TNFSF13B: variants seen among roughly 807,000 people sequenced by gnomAD.
The protein encoded by TNFSF13B is TNF superfamily member 13b.
In TNFSF13B, 8 loss-of-function variants were observed where a neutral mutation model predicts 29.1. The ratio of observed to expected loss-of-function variants is 0.27; its 90% confidence interval spans 0.16 to 0.50. The LOEUF (loss-of-function observed/expected upper bound fraction) is 0.50. Among genes scored for constraint, TNFSF13B ranks in the 20% least tolerant of loss-of-function variants. TNFSF13B has a pLI of 0.98. For missense variants in TNFSF13B, 248 were observed against 334.9 expected (o/e 0.74, Z 2.03); for synonymous variants, 125 against 130.8 (o/e 0.96, Z 0.30).
At chr13:108,272,291 G>T (rs1880641349) in intron 2 of TNFSF13B, among the ~76,000 whole-genome samples, 1 of 152,028 alleles carries the variant, frequency 6.6e-6, no homozygotes. Flanking sequence ...TAGACATATT[G>T]ATAATTGATC....
chr13:108,307,145 A>G lies in TNFSF13B; in HGVS notation c.*207A>G. 1 of 460,938 alleles carries G rather than the reference A, an allele frequency of 2.2e-6. No homozygotes were observed. The highest frequency in any genetic ancestry group is 3.8e-6 in the Non-Finnish European group (1 of 265,728). The allele number at this position is 460,938 out of a possible 1,614,324, so 28.6% of individuals were successfully genotyped here. On this transcript the variant is annotated 3_prime_UTR_variant, in exon 6 of 6. Coordinates refer to ENST00000375887, the MANE Select transcript of TNFSF13B (RefSeq NM_006573.5). Reference sequence around the variant, plus strand: ...CAGACAGCCACAGCCAAAGAGTGTCATGTGAATTACAAGAAATAGAGCCCA... The same window carrying G: ...CAGACAGCCACAGCCAAAGAGTGTCGTGTGAATTACAAGAAATAGAGCCCA...
chr13:108,277,995 T>C (rs563583689), intron 2 of TNFSF13B, among the ~76,000 whole-genome samples: 7 of 152,220 alleles, frequency 4.6e-5, no homozygotes, highest in Non-Finnish European at 1.0e-4. Context: ...CTATCCAAGA[T>C]GGAGGTTCTC....
At chr13:108,284,502 A>C (rs1234012646) in intron 2 of TNFSF13B, among the ~76,000 whole-genome samples, 1 of 152,200 alleles carries the variant, frequency 6.6e-6, no homozygotes, top group Non-Finnish European at 1.5e-5. Context: ...TTTCTAAGTT[A>C]TTTGCCTTGA....
At chr13:108,287,213 A>T (rs1467028471) in intron 3 of TNFSF13B, among the ~76,000 whole-genome samples, 1 of 152,148 alleles carries the variant, frequency 6.6e-6, no homozygotes, top group African/African-American at 2.4e-5. Context: ...TGGCACATGT[A>T]TACATATGAA....
chr13:108,273,185 G>C (rs1322228382), intron 2 of TNFSF13B, among the ~76,000 whole-genome samples: 2 of 151,864 alleles, frequency 1.3e-5, no homozygotes, highest in African/African-American at 4.8e-5. Flanking sequence ...GCACACAGTT[G>C]AGCCTTGAAC....
intron 2 of TNFSF13B, among the ~76,000 whole-genome samples, chr13:108,285,390 T>C (rs990636641): frequency 2.6e-5 from 4 of 152,202 alleles, no homozygotes; most frequent in Admixed American, 6.5e-5. Flanking sequence ...AATTTCATCA[T>C]TGTGCAAACA....
intron 2 of TNFSF13B, among the ~76,000 whole-genome samples, chr13:108,278,020 C>T (rs140270244): frequency 6.6e-5 from 10 of 152,314 alleles, no homozygotes; most frequent in African/African-American, 1.9e-4. Flanking sequence ...TCACCTGCCT[C>T]TGACATCATT....
chr13:108,275,089 T>A (rs902671747), intron 2 of TNFSF13B, among the ~76,000 whole-genome samples: 1 of 152,166 alleles, frequency 6.6e-6, no homozygotes, highest in Non-Finnish European at 1.5e-5. Context: ...AACAGAAATG[T>A]GGGGAAATCC....
intron 2 of TNFSF13B, among the ~76,000 whole-genome samples, chr13:108,279,542 G>C (rs1199657470): frequency 1.3e-5 from 2 of 152,174 alleles, no homozygotes; most frequent in Non-Finnish European, 2.9e-5. Flanking sequence ...AACTGGGTTT[G>C]GGTGGGTGAC....
rs1374336542 is a variant in TNFSF13B at position 108,307,613 on chromosome 13, A to G, written c.*675A>G. 6.6e-6 allele frequency: 1 copy of G among 151,916 alleles called. No individual in the cohort carries two copies. The highest frequency in any genetic ancestry group is 1.5e-5 in the Non-Finnish European group (1 of 67,904). 9.4% of individuals were successfully genotyped at this position (151,916 alleles called of 1,614,324 possible). On this transcript the variant is annotated 3_prime_UTR_variant, in exon 6 of 6. Coordinates refer to ENST00000375887, the MANE Select transcript of TNFSF13B (RefSeq NM_006573.5). Reference sequence around the variant, plus strand: ...TACCCACACATTTTTTTCACAGGAGAGAGAGAATATCCTCATTTGTTTATG... The same window carrying G: ...TACCCACACATTTTTTTCACAGGAGGGAGAGAATATCCTCATTTGTTTATG...
At chr13:108,276,169 C>T (rs1880758086) in intron 2 of TNFSF13B, among the ~76,000 whole-genome samples, 1 of 152,192 alleles carries the variant, frequency 6.6e-6, no homozygotes, top group African/African-American at 2.4e-5. Flanking sequence ...CAATGTAGAA[C>T]TTGACCATCC....
intron 2 of TNFSF13B, among the ~76,000 whole-genome samples, chr13:108,276,893 A>G (rs1211299077): frequency 1.3e-5 from 2 of 152,174 alleles, no homozygotes; most frequent in African/African-American, 4.8e-5. Context: ...TATTCTTTTT[A>G]TAGATCAACT....
chr13:108,270,281 T>G, intron 1 of TNFSF13B, 47 bp downstream of exon 1: 1 of 1,613,176 alleles, frequency 6.2e-7, no homozygotes. Context: ...CTGCCTACAC[T>G]GCTGCCTCTC....
Position 108,270,428 on chromosome 13 carries a change from T to C in TNFSF13B, c.424+4T>C. 6.2e-7 allele frequency: 1 copy of C among 1,613,826 alleles called. No individual in the cohort carries two copies. The highest frequency in any genetic ancestry group is 8.5e-7 in the Non-Finnish European group (1 of 1,179,750). On this transcript the variant is annotated splice_donor_region_variant and intron_variant, in intron 2 of 5. Transcript: ENST00000375887. ...GTTCAGGGTCCAGAAGAAACAGGTA[T>C]GTTTTGGGCACAGACACTTTTAGGA...
intron 2 of TNFSF13B, among the ~76,000 whole-genome samples, chr13:108,281,117 A>G (rs571745593): frequency 6.6e-6 from 1 of 152,214 alleles, no homozygotes; most frequent in South Asian, 2.1e-4. Context: ...GTGGTGGCAC[A>G]TGCCTGTAAT....
In TNFSF13B at chr13:108,306,851, T is replaced by C. The variant is rs1881789352; in HGVS notation, c.771T>C (p.Asp257=). 12 of 1,610,742 alleles carry C rather than the reference T, an allele frequency of 7.4e-6. No homozygotes were observed. Among genetic ancestry groups the C allele is most frequent in the Non-Finnish European group, 1.0e-5 (12 of 1,178,086 alleles). ...GCATTGCAAAACTGGAAGAAGGAGA[T>C]GAACTCCAACTTGCAATACCAAGAG... is the stretch of plus-strand genomic sequence containing the variant. The part of the protein sequence containing the change: ...SAGIAKLEEG[D]ELQLAIPREN... The change falls in exon 6 of 6, where the codon GAT becomes GAC. Residue 257 remains aspartate, a synonymous_variant. Coordinates refer to ENST00000375887, the MANE Select transcript of TNFSF13B (RefSeq NM_006573.5).
intron 3 of TNFSF13B, among the ~76,000 whole-genome samples, chr13:108,299,052 T>C (rs1309216909): frequency 2.1e-5 from 3 of 145,994 alleles, no homozygotes; most frequent in Admixed American, 2.0e-4. Context: ...ATCTTGACAA[T>C]ATTGAGTCTT....
intron 5 of TNFSF13B, among the ~76,000 whole-genome samples, chr13:108,304,872 C>G (rs1193141422): frequency 1.3e-5 from 2 of 152,128 alleles, no homozygotes; most frequent in Non-Finnish European, 2.9e-5. Flanking sequence ...AATTCCCTAA[C>G]TTTCATAAAG....
At chr13:108,285,721 A>ACT (rs1881108750) in intron 2 of TNFSF13B, among the ~76,000 whole-genome samples, 1 of 152,220 alleles carries the variant, frequency 6.6e-6, no homozygotes, top group Non-Finnish European at 1.5e-5. Context: ...TCACAGTAGA[A>ACT]GTTCCCTACT....
Sources: allele counts gnomAD v4.1 joint callset (sites outside exome capture counted in the v4.1 genomes callset), GRCh38; gene constraint gnomAD v4.1.1; transcripts MANE v1.5; gene names NCBI Gene and HGNC (gene_info 2026-07-23, HGNC 2026-07-21).